Variants in PCDHGB2 observed in about 807,000 individuals in gnomAD.
PCDHGB2 encodes protocadherin gamma-B2.
In PCDHGB2, 55 loss-of-function variants were observed where a neutral mutation model predicts 59.3. The ratio of observed to expected loss-of-function variants is 0.93; its 90% CI spans 0.75 to 1.16. PCDHGB2 has a LOEUF of 1.16. PCDHGB2 is among the 50% of genes most tolerant of loss of function. The pLI is 0.00. For synonymous variants in PCDHGB2, 516 were observed against 512.0 expected, an observed-to-expected ratio of 1.01 and a Z score of -0.11; for missense variants, 1,228 against 1,198.5, an observed-to-expected ratio of 1.02 and a Z score of -0.36.
At chr5:141,389,673 G>T (rs755380537) in intron 1 of PCDHGB2, 1 of 1,612,426 alleles carries the variant, frequency 6.2e-7, no homozygotes, top group South Asian at 1.1e-5. Context: ...CGCAGACTCA[G>T]GACACAACGC....
intron 3 of PCDHGB2, among the ~76,000 whole-genome samples, chr5:141,509,952 C>T (rs954730777): frequency 7.2e-5 from 11 of 152,186 alleles, no homozygotes; most frequent in African/African-American, 2.2e-4. Flanking sequence ...CAAATGCTAC[C>T]GGGTATGGCC....
intron 1 of PCDHGB2, chr5:141,390,099 C>G: frequency 6.2e-7 from 1 of 1,614,052 alleles, no homozygotes; most frequent in Non-Finnish European, 8.5e-7. Context: ...CGTGGTTCCC[C>G]CCAACTACAG....
At position 141,432,455 on chromosome 5, in the gene PCDHGB2, G is replaced by A; in HGVS notation, c.2422-62352G>A. The A allele has an allele frequency of 6.2e-7, 1 of 1,614,176 alleles. No individual in the cohort carries two copies. The highest frequency in any genetic ancestry group is 8.5e-7 in the Non-Finnish European group (1 of 1,180,042). On this transcript the variant is annotated intron_variant, in intron 1 of 3. Transcript: ENST00000522605. The surrounding 1 kb of genome is among the most constrained non-coding windows in gnomAD (Gnocchi z 6.0). ...CAATGCGCCCGAGATCCTGTACCCCGCCCTCCCCACGGACGGTTCCACTGG... is the reference window on the plus strand; with the variant it reads ...CAATGCGCCCGAGATCCTGTACCCCACCCTCCCCACGGACGGTTCCACTGG...
chr5:141,455,343 G>T (rs1462807460), intron 1 of PCDHGB2, among the ~76,000 whole-genome samples: 1 of 152,036 alleles, frequency 6.6e-6, no homozygotes, highest in Non-Finnish European at 1.5e-5. Flanking sequence ...TTTAAGGAGC[G>T]GAGAGTTTAA....
At chr5:141,495,257 A>T (rs1411983517) in intron 2 of PCDHGB2, among the ~76,000 whole-genome samples, 1 of 152,200 alleles carries the variant, frequency 6.6e-6, no homozygotes, top group Non-Finnish European at 1.5e-5. Context: ...CTCAGGCAGA[A>T]AAGCATTTGA....
chr5:141,500,365 C>T (rs888624200), intron 2 of PCDHGB2, among the ~76,000 whole-genome samples: 5 of 151,956 alleles, frequency 3.3e-5, no homozygotes, highest in South Asian at 2.1e-4. Flanking sequence ...CCCACTACCA[C>T]GCCCGGCTAA....
At chr5:141,444,561 G>A (rs1554133061) in intron 1 of PCDHGB2, among the ~76,000 whole-genome samples, 2 of 152,098 alleles carry the variant, frequency 1.3e-5, no homozygotes, top group Non-Finnish European at 2.9e-5. Context: ...GCACTTATTT[G>A]ACACTTTTGA....
intron 1 of PCDHGB2, chr5:141,366,459 T>G (rs1764573783): frequency 6.2e-7 from 1 of 1,614,122 alleles, no homozygotes; most frequent in African/African-American, 1.3e-5. Flanking sequence ...TTCGTCATCG[T>G]GCTGCTGGTG....
At chr5:141,372,216 A>G (rs1768504235) in intron 1 of PCDHGB2, 8 of 1,613,520 alleles carry the variant, frequency 5.0e-6, no homozygotes, top group Non-Finnish European at 5.1e-6. Flanking sequence ...GTCCTACCAC[A>G]TTGTGCAGGC....
chr5:141,464,093 C>T (rs1029458289), intron 1 of PCDHGB2, among the ~76,000 whole-genome samples: 1 of 151,888 alleles, frequency 6.6e-6, no homozygotes, highest in Non-Finnish European at 1.5e-5. Context: ...GGTGAAACTC[C>T]GTCTCTACTA....
At chr5:141,400,008 C>A (rs1395195387) in intron 1 of PCDHGB2, 1 of 1,612,692 alleles carries the variant, frequency 6.2e-7, no homozygotes, top group South Asian at 1.1e-5. Flanking sequence ...CAGCGCGTGC[C>A]TTGGGCGACA....
chr5:141,456,773 G>A (rs1178932462), intron 1 of PCDHGB2, among the ~76,000 whole-genome samples: 6 of 151,980 alleles, frequency 3.9e-5, no homozygotes, highest in African/African-American at 1.2e-4. Context: ...GACCAGCCTG[G>A]CCTACATGGC....
intron 1 of PCDHGB2, chr5:141,399,746 C>G (rs1478736881): frequency 2.5e-6 from 4 of 1,613,242 alleles, no homozygotes; most frequent in African/African-American, 2.7e-5. Context: ...GCGCTCAGCG[C>G]AAACGTGAGC....
At chr5:141,415,688 T>A (rs373105795) in intron 1 of PCDHGB2, 395 of 1,545,880 alleles carry the variant, frequency 2.6e-4, no homozygotes, top group Non-Finnish European at 3.3e-4. Context: ...GGCATGATGG[T>A]GGAAAGTGTA....
Position 141,362,718 on chromosome 5 carries a change from G to A in PCDHGB2, c.2421+162G>A, listed in dbSNP as rs1762651072. The A allele has an allele frequency of 4.5e-6, 4 of 880,132 alleles. No homozygotes were observed. In the East Asian group the frequency reaches 8.0e-5, roughly 18 times the overall value. The allele number at this position is 880,132 out of a possible 1,614,324, so 54.5% of individuals were successfully genotyped here. A position where few individuals can be genotyped will look rare whatever the true frequency, so the allele number is the denominator to read the frequency against. Reference sequence around the variant, plus strand: ...ACTGAATTTTAAGTGTTTTCTCTCTGAAGTGTGAGATTTATTTACCCATGA... The same window carrying A: ...ACTGAATTTTAAGTGTTTTCTCTCTAAAGTGTGAGATTTATTTACCCATGA... On this transcript the variant is annotated intron_variant, in intron 1 of 3. Coordinates refer to ENST00000522605, the MANE Select transcript of PCDHGB2 (RefSeq NM_018923.3).
At chr5:141,469,700 T>TA (rs1483261429) in intron 1 of PCDHGB2, among the ~76,000 whole-genome samples, 1 of 152,272 alleles carries the variant, frequency 6.6e-6, no homozygotes, top group African/African-American at 2.4e-5. Context: ...TATGACCTAG[T>TA]AATCACACTA....
rs13436338 is a variant in PCDHGB2, at chr5:141,468,261, G to A, written c.2422-26546G>A. On this transcript the variant is annotated intron_variant, in intron 1 of 3. Coordinates refer to ENST00000522605, the MANE Select transcript of PCDHGB2 (RefSeq NM_018923.3). ...AATTGCCTGAACCTGGGAGGCAGAG[G>A]TTGTGGTGAGCCGAGACCACGCCAT... Among the ~76,000 whole-genome samples, 391 of 149,216 alleles carry A rather than the reference G, an allele frequency of 2.6e-3. 2 individuals are homozygous for A. Among genetic ancestry groups the A allele is most frequent in the African/African-American group, 9.3e-3 (377 of 40,498 alleles).
chr5:141,486,346 C>G lies in PCDHGB2; in HGVS notation c.2422-8461C>G. 1 of 1,614,120 alleles carries G rather than the reference C, an allele frequency of 6.2e-7. No individual in the cohort carries two copies. Among genetic ancestry groups the G allele is most frequent in the East Asian group, 2.2e-5 (1 of 44,874 alleles). ...GAGATGTGAGCCTCCGCATTCCTGA[C>G]CACTTGCCATTTGCCCTCAAGTCTG... On this transcript the variant is annotated intron_variant, in intron 1 of 3. Coordinates refer to ENST00000522605, the MANE Select transcript of PCDHGB2 (RefSeq NM_018923.3). This position sits in a 1 kb window ranked among gnomAD's most constrained non-coding sequence, Gnocchi z 5.0.
chr5:141,457,495 T>C (rs2098922394), intron 1 of PCDHGB2, among the ~76,000 whole-genome samples: 1 of 152,204 alleles, frequency 6.6e-6, no homozygotes, highest in Admixed American at 6.5e-5. Context: ...GTCTAAAATG[T>C]AGGCAAAAAG....
Sources: allele counts gnomAD v4.1 joint callset (sites outside exome capture counted in the v4.1 genomes callset), GRCh38; gene constraint gnomAD v4.1.1; non-coding constraint Gnocchi (gnomAD v3.1); transcripts MANE v1.5; gene names NCBI Gene and HGNC (gene_info 2026-07-23, HGNC 2026-07-21).